SEM1: variants seen among roughly 807,000 people sequenced by gnomAD.
SEM1 encodes the protein SEM1 26S proteasome subunit.
In SEM1, 3 loss-of-function variants were observed where a neutral mutation model predicts 12.7. That is an observed-to-expected ratio of 0.24 (90% CI 0.11 to 0.61). The LOEUF is 0.61. SEM1 is among the 20% of genes least tolerant of loss of function. The pLI, the probability that SEM1 is intolerant of heterozygous loss-of-function variation, is 0.88. For synonymous variants in SEM1, 30 were observed against 27.8 expected (o/e 1.08, Z -0.25); for missense variants, 59 against 81.3 (o/e 0.73, Z 1.06).
chr7:96,499,667 C>T (rs745629614), upstream of SEM1, among the ~76,000 whole-genome samples: 27 of 152,096 alleles, frequency 1.8e-4, no homozygotes, highest in Admixed American at 1.4e-3. Flanking sequence ...GTCAGTTGTG[C>T]CTATTTTTGT....
chr7:96,555,150 T>C (rs1805440061), intron 2 of SEM1, among the ~76,000 whole-genome samples: 1 of 115,360 alleles, frequency 8.7e-6, no homozygotes, highest in Admixed American at 9.1e-5. Flanking sequence ...AAAAACCAGC[T>C]CCTGGATTCA....
intron 2 of SEM1, among the ~76,000 whole-genome samples, chr7:96,535,838 AT>A (rs1369007513): frequency 2.2e-4 from 33 of 151,872 alleles, no homozygotes; most frequent in African/African-American, 7.7e-4. Context: ...CATGTACCAC[AT>A]TTTCTTTATT....
At chr7:96,626,664 A>G (rs993815847) in intron 2 of SEM1, among the ~76,000 whole-genome samples, 2 of 152,082 alleles carry the variant, frequency 1.3e-5, no homozygotes, top group African/African-American at 2.4e-5. Flanking sequence ...GATCTTTCCA[A>G]TGTTTTGTTG....
chr7:96,709,188 CAAT>C (rs1284512004), intron 1 of SEM1, among the ~76,000 whole-genome samples: 11 of 152,070 alleles, frequency 7.2e-5, no homozygotes, highest in Non-Finnish European at 5.9e-5. Flanking sequence ...AGGAATGAGG[CAAT>C]AATGTGTATT....
chr7:96,574,966 A>G (rs370618610), intron 2 of SEM1, among the ~76,000 whole-genome samples: 3 of 151,976 alleles, frequency 2.0e-5, no homozygotes, highest in East Asian at 1.9e-4. Flanking sequence ...TATTTCTGTC[A>G]ATTTGGCAAA....
At chr7:96,553,154 C>A (rs1805349375) in intron 2 of SEM1, among the ~76,000 whole-genome samples, 1 of 151,566 alleles carries the variant, frequency 6.6e-6, no homozygotes, top group South Asian at 2.1e-4. Flanking sequence ...TGCCTGTTCA[C>A]TCTGATGGTA....
intron 2 of SEM1, among the ~76,000 whole-genome samples, chr7:96,582,485 A>G (rs1806447216): frequency 6.6e-6 from 1 of 151,574 alleles, no homozygotes; most frequent in South Asian, 2.1e-4. Flanking sequence ...TGCTGGCCTC[A>G]TAAAATGAGT....
chr7:96,545,867 A>G (rs1370941682), intron 2 of SEM1, among the ~76,000 whole-genome samples: 1 of 152,070 alleles, frequency 6.6e-6, no homozygotes, highest in Non-Finnish European at 1.5e-5. Flanking sequence ...CAAATTGTCT[A>G]GCTTACATTC....
intron 2 of SEM1, among the ~76,000 whole-genome samples, chr7:96,660,436 G>A (rs982008605): frequency 2.6e-4 from 40 of 152,106 alleles, no homozygotes; most frequent in African/African-American, 9.6e-4. Flanking sequence ...GCATTTTATT[G>A]TCCAATAATT....
intron 2 of SEM1, among the ~76,000 whole-genome samples, chr7:96,519,270 T>C (rs1376302083): frequency 6.6e-6 from 1 of 152,158 alleles, no homozygotes; most frequent in Non-Finnish European, 1.5e-5. Flanking sequence ...AAAACTATTT[T>C]TTTTGAGCAC....
intron 2 of SEM1, among the ~76,000 whole-genome samples, chr7:96,639,269 G>A (rs975194837): frequency 6.6e-6 from 1 of 151,690 alleles, no homozygotes; most frequent in Non-Finnish European, 1.5e-5. Flanking sequence ...CTATGCTTTC[G>A]AACAATGAAA....
intron 2 of SEM1, among the ~76,000 whole-genome samples, chr7:96,632,634 A>G (rs1808300187): frequency 1.3e-5 from 2 of 152,108 alleles, no homozygotes; most frequent in Admixed American, 1.3e-4. Flanking sequence ...GCAAATCACC[A>G]TGGCACGTGT....
intron 1 of SEM1, among the ~76,000 whole-genome samples, chr7:96,707,617 TAGAA>T (rs1424534890): frequency 2.0e-5 from 3 of 152,216 alleles, no homozygotes; most frequent in Non-Finnish European, 2.9e-5. Flanking sequence ...CTTTTGTCCT[TAGAA>T]AGAATAATTT....
At chr7:96,571,185 C>T (rs1806016315) in intron 2 of SEM1, among the ~76,000 whole-genome samples, 2 of 152,038 alleles carry the variant, frequency 1.3e-5, no homozygotes, top group South Asian at 4.1e-4. Flanking sequence ...GTTTCTTCTG[C>T]TGTGCAGAAA....
Position 96,673,911 on chromosome 7 carries a change from T to A in SEM1, c.171-52A>T, listed in dbSNP as rs1010767051. 1.1e-5 allele frequency: 8 copies of A among 753,232 alleles called. No individual in the cohort carries two copies. In the African/African-American group the frequency reaches 1.4e-4, roughly 13 times the overall value. The allele number at this position is 753,232 out of a possible 1,614,324, so 46.7% of individuals were successfully genotyped here. ...ACTTTTAAGTATCAAGCCACTGTGA[T>A]CTGTGGGCTGCTTGACCACAGCATA... On this transcript the variant is annotated intron_variant, in intron 2 of 2. Transcript: ENST00000413065.
exon 2 of SEM1, chr7:96,486,286 A>T (rs1159301675): frequency 6.5e-7 from 1 of 1,535,972 alleles, no homozygotes; most frequent in Non-Finnish European, 8.7e-7. Context: ...CCGGATGCTT[A>T]CTCTCATGGA....
chr7:96,617,092 T>G (rs1481585786), intron 2 of SEM1, among the ~76,000 whole-genome samples: 1 of 152,128 alleles, frequency 6.6e-6, no homozygotes, highest in Non-Finnish European at 1.5e-5. Context: ...AAAATGTCAT[T>G]GGTAATTTGA....
intron 1 of SEM1, among the ~76,000 whole-genome samples, chr7:96,704,407 T>C (rs1790381429): frequency 1.3e-5 from 2 of 152,188 alleles, no homozygotes; most frequent in South Asian, 4.1e-4. Context: ...AATTATCCTA[T>C]ATAATATACT....
At chr7:96,685,262 G>C (rs1049899897), downstream of SEM1, among the ~76,000 whole-genome samples, 2 of 152,006 alleles carry the variant, frequency 1.3e-5, no homozygotes, top group Non-Finnish European at 2.9e-5. Flanking sequence ...TCTATGCCAA[G>C]GCCTAATGAA....
Sources: gnomAD v4.1 joint callset for allele counts (sites outside exome capture counted in the v4.1 genomes callset) on GRCh38, gnomAD v4.1.1 for gene constraint, MANE v1.5 for transcripts, NCBI Gene and HGNC (gene_info 2026-07-23, HGNC 2026-07-21) for gene names.